The following PEAK1 variants were observed in gnomAD, a reference collection of about 807,000 sequenced individuals.
The protein encoded by PEAK1 is pseudopodium enriched atypical kinase 1, also known as inactive tyrosine-protein kinase PEAK1.
In PEAK1, 54 loss-of-function variants were observed where a neutral mutation model predicts 124.7. The ratio of observed to expected loss-of-function variants is 0.43; its 90% confidence interval spans 0.35 to 0.54. PEAK1 has a LOEUF of 0.54. Among genes scored for constraint, PEAK1 ranks in the 20% least tolerant of loss-of-function variants. The pLI, the probability that PEAK1 is intolerant of heterozygous loss-of-function variation, is 0.01. For synonymous variants in PEAK1, 719 were observed against 760.0 expected (o/e 0.95, Z 0.89); for missense variants, 2,046 against 2,134.5 (o/e 0.96, Z 0.82).
chr15:77,349,288 C>T (rs2067066759), intron 2 of PEAK1: 3 of 770,278 alleles, frequency 3.9e-6, no homozygotes, highest in Middle Eastern at 6.4e-4. Flanking sequence ...ATCTGCCCGC[C>T]TCGGCCTCCC....
chr15:77,151,434 C>T (rs1354576500), intron 8 of PEAK1, among the ~76,000 whole-genome samples: 14 of 152,286 alleles, frequency 9.2e-5, no homozygotes, highest in African/African-American at 1.4e-4. Context: ...GAATAGATTG[C>T]AAAAATTTTC....
intron 8 of PEAK1, among the ~76,000 whole-genome samples, chr15:77,145,924 C>T (rs886791836): frequency 6.6e-6 from 1 of 152,150 alleles, no homozygotes; most frequent in Non-Finnish European, 1.5e-5. Flanking sequence ...TGGTGTTCAA[C>T]AAATGTTTGC....
At chr15:77,139,575 G>C (rs1001880934) in intron 8 of PEAK1, among the ~76,000 whole-genome samples, 1 of 152,126 alleles carries the variant, frequency 6.6e-6, no homozygotes, top group Non-Finnish European at 1.5e-5. Context: ...AATCCTATGA[G>C]ACCAGTGTTG....
At chr15:77,298,142 C>G (rs1347462580) in intron 2 of PEAK1, among the ~76,000 whole-genome samples, 1 of 55,532 alleles carries the variant, frequency 1.8e-5, no homozygotes, top group Admixed American at 2.0e-4. Flanking sequence ...GCCCTCTGAT[C>G]TTTATTATTA....
chr15:77,121,104 AG>A (rs891157811), intron 9 of PEAK1, among the ~76,000 whole-genome samples: 3 of 151,932 alleles, frequency 2.0e-5, no homozygotes, highest in Non-Finnish European at 2.9e-5. Flanking sequence ...TTTTAGATTC[AG>A]GGGGTACATG....
At chr15:77,327,029 G>A (rs1021380344) in intron 2 of PEAK1, among the ~76,000 whole-genome samples, 1 of 152,052 alleles carries the variant, frequency 6.6e-6, no homozygotes, top group Non-Finnish European at 1.5e-5. Context: ...CTTAAAGCAA[G>A]GCTTTAGAAT....
chr15:77,333,652 A>G, intron 2 of PEAK1: 1 of 973,002 alleles, frequency 1.0e-6, no homozygotes, highest in Non-Finnish European at 1.2e-6. Context: ...TATTCTTGTG[A>G]TAATTTTAAG....
At chr15:77,203,632 G>C (rs1265275025) in intron 6 of PEAK1, among the ~76,000 whole-genome samples, 1 of 151,182 alleles carries the variant, frequency 6.6e-6, no homozygotes, top group Non-Finnish European at 1.5e-5. Context: ...TACAAATACA[G>C]TCAATTGATC....
chr15:77,198,894 C>A (rs1187926832), intron 6 of PEAK1, among the ~76,000 whole-genome samples: 2 of 152,178 alleles, frequency 1.3e-5, no homozygotes, highest in Non-Finnish European at 2.9e-5. Context: ...TTAAGAAAAT[C>A]ATTGAGGAAG....
intron 2 of PEAK1, chr15:77,347,967 A>G: frequency 1.0e-6 from 1 of 985,170 alleles, no homozygotes; most frequent in African/African-American, 1.7e-5. Context: ...CATACTGTAT[A>G]GGTTGCATAA....
rs2142029570 is a variant in PEAK1 at position 77,403,233 on chromosome 15, C to CA, written c.-666+16772dup. ...AACTGCTGATTGGGTATGGTGAAAG[C>CA]AGTCAAGTCTATCTCCCAATACCAA... On this transcript the variant is annotated intron_variant, in intron 1 of 9. Coordinates refer to ENST00000682557, the MANE Select transcript of PEAK1 (RefSeq NM_001385026.1). The CA allele has an allele frequency of 3.0e-6, 3 of 985,382 alleles. No individual in the cohort carries two copies. The South Asian group carries it at 1.4e-4, about 46-fold the overall frequency. 61.0% of individuals were successfully genotyped at this position (985,382 alleles called of 1,614,324 possible). A position where few individuals can be genotyped will look rare whatever the true frequency, so the allele number is the denominator to read the frequency against.
intron 2 of PEAK1, among the ~76,000 whole-genome samples, chr15:77,302,951 G>C (rs1252014193): frequency 6.6e-6 from 1 of 152,058 alleles, no homozygotes; most frequent in Non-Finnish European, 1.5e-5. Flanking sequence ...CCAAGTCCCT[G>C]GCAACCACTG....
At chr15:77,359,581 T>C (rs1355925645) in intron 2 of PEAK1, among the ~76,000 whole-genome samples, 4 of 152,090 alleles carry the variant, frequency 2.6e-5, no homozygotes, top group Admixed American at 2.6e-4. Flanking sequence ...AAACAACTAT[T>C]ACAATTAACA....
intron 8 of PEAK1, among the ~76,000 whole-genome samples, chr15:77,138,845 G>A (rs1267338259): frequency 1.4e-5 from 2 of 144,954 alleles, no homozygotes; most frequent in Non-Finnish European, 3.0e-5. Flanking sequence ...CTGGGTGACA[G>A]AGCGAGACTC....
chr15:77,386,752 C>G (rs917628241), intron 1 of PEAK1, among the ~76,000 whole-genome samples: 1 of 152,102 alleles, frequency 6.6e-6, no homozygotes, highest in East Asian at 1.9e-4. Flanking sequence ...AGTTGGTTAT[C>G]CATCACATCA....
intron 2 of PEAK1, among the ~76,000 whole-genome samples, chr15:77,312,074 A>G (rs1470461941): frequency 2.6e-5 from 4 of 152,164 alleles, no homozygotes; most frequent in Non-Finnish European, 4.4e-5. Flanking sequence ...GGAAATAAAG[A>G]AAACGGACCA....
intron 1 of PEAK1, chr15:77,404,017 A>T (rs2071596052): frequency 1.0e-6 from 1 of 975,408 alleles, no homozygotes; most frequent in Non-Finnish European, 1.2e-6. Context: ...TGAGCATAGT[A>T]CCTGGTAGTT....
At chr15:77,347,963 G>A in intron 2 of PEAK1, 2 of 985,128 alleles carry the variant, frequency 2.0e-6, no homozygotes, top group Non-Finnish European at 2.4e-6. Flanking sequence ...CAAACATACT[G>A]TATAGGTTGC....
chr15:77,375,959 A>C (rs1375134587), intron 1 of PEAK1, among the ~76,000 whole-genome samples: 2 of 151,994 alleles, frequency 1.3e-5, no homozygotes, highest in East Asian at 1.9e-4. Context: ...AGATCGCGCC[A>C]CTGCACTCCA....
Sources: allele counts gnomAD v4.1 joint callset (sites outside exome capture counted in the v4.1 genomes callset), GRCh38; gene constraint gnomAD v4.1.1; transcripts MANE v1.5; gene names NCBI Gene and HGNC (gene_info 2026-07-23, HGNC 2026-07-21).